Variants in ZNF608 observed in about 807,000 individuals in gnomAD.
ZNF608 encodes zinc finger protein 608.
A neutral mutation model predicts 109.0 loss-of-function variants in ZNF608; 12 were observed. That is an observed-to-expected ratio of 0.11 (90% CI 0.07 to 0.18). The LOEUF is 0.18. Ranked by LOEUF, ZNF608 falls within the 10% of genes least tolerant of loss-of-function variation. ZNF608 has a pLI of 1.00. For synonymous variants in ZNF608, 732 were observed against 717.4 expected (o/e 1.02, Z -0.33); for missense variants, 1,707 against 1,879.3 (o/e 0.91, Z 1.70).
chr5:124,697,393 T>A (rs957781607), intron 3 of ZNF608, among the ~76,000 whole-genome samples: 1 of 151,880 alleles, frequency 6.6e-6, no homozygotes, highest in Non-Finnish European at 1.5e-5. Flanking sequence ...AGAGCAAATT[T>A]TCAAACAAAT....
chr5:124,669,454 C>T (rs977686414), intron 3 of ZNF608, among the ~76,000 whole-genome samples: 2 of 152,194 alleles, frequency 1.3e-5, no homozygotes, highest in African/African-American at 4.8e-5. Flanking sequence ...ACCCAGGGAC[C>T]TGACGGGAAC....
At chr5:124,684,725 G>A (rs1752333948) in intron 3 of ZNF608, among the ~76,000 whole-genome samples, 1 of 152,074 alleles carries the variant, frequency 6.6e-6, no homozygotes, top group African/African-American at 2.4e-5. Flanking sequence ...CCTTTTAACT[G>A]GTCTCCCTTT....
intron 3 of ZNF608, among the ~76,000 whole-genome samples, chr5:124,680,474 C>CT (rs1285456667): frequency 9.9e-5 from 15 of 152,108 alleles, no homozygotes; most frequent in African/African-American, 3.6e-4. Context: ...TCAGTGAAGC[C>CT]TTTTCGGGGA....
At chr5:124,711,699 G>A (rs1467098579) in intron 2 of ZNF608, among the ~76,000 whole-genome samples, 6 of 152,196 alleles carry the variant, frequency 3.9e-5, no homozygotes, top group South Asian at 2.1e-4. Flanking sequence ...AGCAGTGGCC[G>A]CAGAGCCAAA....
intron 2 of ZNF608, among the ~76,000 whole-genome samples, chr5:124,713,586 A>T (rs6876657): frequency 0.18 from 27,775 of 152,248 alleles, 2,765 homozygotes; most frequent in Admixed American, 0.27. Flanking sequence ...CAATTAAAAA[A>T]TTCTGTGGAA....
At chr5:124,672,042 C>T (rs900385782) in intron 3 of ZNF608, among the ~76,000 whole-genome samples, 1 of 152,252 alleles carries the variant, frequency 6.6e-6, no homozygotes, top group Non-Finnish European at 1.5e-5. Flanking sequence ...AAGAAAGTAT[C>T]CAGGAAAAAC....
At chr5:124,649,185 T>C in intron 4 of ZNF608, 52 bp from the exon 5 acceptor site, 1 of 1,458,490 alleles carries the variant, frequency 6.9e-7, no homozygotes, top group Non-Finnish European at 9.2e-7. Flanking sequence ...AAGAGCCAGG[T>C]GAAATCACAA....
intron 3 of ZNF608, among the ~76,000 whole-genome samples, chr5:124,696,343 G>A (rs941255862): frequency 6.6e-6 from 1 of 152,166 alleles, no homozygotes; most frequent in Non-Finnish European, 1.5e-5. Context: ...TCTCACACCA[G>A]GTGCTGAGTC....
At chr5:124,740,774 T>C (rs1352341440) in intron 2 of ZNF608, among the ~76,000 whole-genome samples, 1 of 152,250 alleles carries the variant, frequency 6.6e-6, no homozygotes, top group East Asian at 1.9e-4. Flanking sequence ...GACACAACTA[T>C]ATGACCTCTT....
rs201929051 is a variant in ZNF608 at position 124,643,529 on chromosome 5, G to A, written c.4278C>T (p.Tyr1426=). Residue 1426 remains tyrosine, a synonymous_variant, in exon 7 of 10, where the codon TAC becomes TAT. Coordinates refer to ENST00000513986, the MANE Select transcript of ZNF608 (RefSeq NM_020747.3). ...GGCTTACAGCAGGAGACTTGCTGCG[G>A]TATTGGTTAGCATGCTGCTGGAGCA... The part of the protein sequence containing the change: ...LDLLQQHANQ[Y]RSKSPAPVEK... 8.3e-5 allele frequency: 134 copies of A among 1,614,158 alleles called. No individual in the cohort carries two copies. The highest frequency in any genetic ancestry group is 5.0e-4 in the Middle Eastern group (3 of 6,060).
intron 2 of ZNF608, among the ~76,000 whole-genome samples, chr5:124,731,326 G>T (rs62370811): frequency 0.67 from 101,398 of 151,844 alleles, 34,722 homozygotes; most frequent in African/African-American, 0.79. Flanking sequence ...TTCTCCTGTT[G>T]CAGCTTCCTG....
At chr5:124,670,515 C>T (rs1041755205) in intron 3 of ZNF608, among the ~76,000 whole-genome samples, 4 of 152,080 alleles carry the variant, frequency 2.6e-5, no homozygotes, top group Admixed American at 6.6e-5. Flanking sequence ...AATAGCAAGG[C>T]TCGCTTCTTC....
chr5:124,675,978 A>G (rs978397990), intron 3 of ZNF608, among the ~76,000 whole-genome samples: 1 of 152,212 alleles, frequency 6.6e-6, no homozygotes, highest in Non-Finnish European at 1.5e-5. Flanking sequence ...ATCTCTGCCA[A>G]GAGCTAAAAG....
chr5:124,740,857 C>G (rs1349777175), intron 2 of ZNF608, among the ~76,000 whole-genome samples: 1 of 152,070 alleles, frequency 6.6e-6, no homozygotes, highest in Non-Finnish European at 1.5e-5. Context: ...TTTGAATTTT[C>G]CAGAAATCAA....
intron 3 of ZNF608, among the ~76,000 whole-genome samples, chr5:124,679,453 T>G (rs1329234097): frequency 6.9e-6 from 1 of 145,924 alleles, no homozygotes. Context: ...CCTTCCTTCC[T>G]TCCTTCTGTC....
At chr5:124,743,273 T>G (rs1749493346) in intron 2 of ZNF608, among the ~76,000 whole-genome samples, 1 of 152,206 alleles carries the variant, frequency 6.6e-6, no homozygotes, top group Non-Finnish European at 1.5e-5. Flanking sequence ...TTGGCTACAT[T>G]TTCACATTTC....
At chr5:124,716,685 C>A (rs540168184) in intron 2 of ZNF608, among the ~76,000 whole-genome samples, 1 of 152,308 alleles carries the variant, frequency 6.6e-6, no homozygotes, top group East Asian at 1.9e-4. Flanking sequence ...CATTCTCCTG[C>A]ATTCTTGCAT....
intron 8 of ZNF608, among the ~76,000 whole-genome samples, chr5:124,639,908 C>T (rs1051065146): frequency 6.6e-6 from 1 of 152,086 alleles, no homozygotes; most frequent in Non-Finnish European, 1.5e-5. Flanking sequence ...TAACTTAAGA[C>T]AGTACAATAA....
chr5:124,672,460 G>A (rs1751768905), intron 3 of ZNF608, among the ~76,000 whole-genome samples: 1 of 152,172 alleles, frequency 6.6e-6, no homozygotes, highest in East Asian at 1.9e-4. Context: ...AGTTGACTGG[G>A]AAACAGGAAA....
Sources: allele counts gnomAD v4.1 joint callset (sites outside exome capture counted in the v4.1 genomes callset), GRCh38; gene constraint gnomAD v4.1.1; transcripts MANE v1.5; gene names NCBI Gene and HGNC (gene_info 2026-07-23, HGNC 2026-07-21).